AMMECR1: variants seen among roughly 807,000 people sequenced by gnomAD.
The protein encoded by AMMECR1 is nuclear protein AMMECR1.
Under a neutral mutation model 22.5 loss-of-function variants are expected in AMMECR1, and 3 were observed. That is an observed-to-expected ratio of 0.13 (90% CI 0.06 to 0.35). The LOEUF (loss-of-function observed/expected upper bound fraction) is 0.35, where lower values mean the gene tolerates loss of function less well. Ranked by LOEUF, AMMECR1 falls within the 10% of genes least tolerant of loss-of-function variation. The pLI is 1.00. For synonymous variants in AMMECR1, 130 were observed against 116.7 expected, an observed-to-expected ratio of 1.11 and a Z score of -0.74; for missense variants, 235 against 278.7, an observed-to-expected ratio of 0.84 and a Z score of 1.12.
intron 2 of AMMECR1, among the ~76,000 whole-genome samples, chrX:110,418,689 T>C (rs934757941): frequency 9.0e-6 from 1 of 111,645 alleles, no homozygotes; most frequent in Non-Finnish European, 1.9e-5. Context: ...TGGGACCTTA[T>C]GGGATCAGAG....
upstream of AMMECR1, among the ~76,000 whole-genome samples, chrX:110,321,754 C>A (rs1043629526): frequency 9.0e-6 from 1 of 110,767 alleles, no homozygotes; most frequent in African/African-American, 3.3e-5. Context: ...GAAAAAAAAA[C>A]CTGCCATTTA....
chrX:110,232,034 C>G (rs1354833961), intron 2 of AMMECR1, among the ~76,000 whole-genome samples: 1 of 111,148 alleles, frequency 9.0e-6, no homozygotes, highest in Non-Finnish European at 1.9e-5. Context: ...TAGAGACCCA[C>G]AGAGAAACTT....
At chrX:110,402,384 G>A (rs939764316) in intron 2 of AMMECR1, among the ~76,000 whole-genome samples, 1 of 112,953 alleles carries the variant, frequency 8.9e-6, no homozygotes, top group Non-Finnish European at 1.9e-5. Context: ...GGTAAGGCAG[G>A]GTTATTATTT....
At chrX:110,222,080 G>T (rs2067503658) in intron 2 of AMMECR1, among the ~76,000 whole-genome samples, 1 of 108,292 alleles carries the variant, frequency 9.2e-6, no homozygotes, top group African/African-American at 3.4e-5. Flanking sequence ...ATTTGACCCA[G>T]CCATCCCATT....
At chrX:110,238,169 C>G (rs2067611337) in intron 2 of AMMECR1, among the ~76,000 whole-genome samples, 1 of 111,867 alleles carries the variant, frequency 8.9e-6, no homozygotes, top group African/African-American at 3.2e-5. Flanking sequence ...CTAACACAAG[C>G]AAATCGGTGT....
At chrX:110,227,805 A>G (rs1013137580) in intron 2 of AMMECR1, among the ~76,000 whole-genome samples, 4 of 111,753 alleles carry the variant, frequency 3.6e-5, no homozygotes, top group African/African-American at 1.3e-4. Context: ...GGTCAAGATG[A>G]CCCATTCCCT....
intron 1 of AMMECR1, among the ~76,000 whole-genome samples, chrX:110,315,647 A>C (rs767786191): frequency 8.9e-6 from 1 of 112,615 alleles, no homozygotes; most frequent in South Asian, 3.7e-4. Flanking sequence ...GAGTTAACCC[A>C]AACTCACTGT....
chrX:110,220,843 G>T (rs1002415578), intron 2 of AMMECR1, among the ~76,000 whole-genome samples: 1 of 111,893 alleles, frequency 8.9e-6, no homozygotes, highest in Non-Finnish European at 1.9e-5. Context: ...AAGATATTAA[G>T]AGTTTAGCTA....
chrX:110,229,068 C>G (rs2067548629), intron 2 of AMMECR1, among the ~76,000 whole-genome samples: 1 of 112,310 alleles, frequency 8.9e-6, no homozygotes, highest in Admixed American at 9.4e-5. Flanking sequence ...AGCACAATGA[C>G]ATGGGTAGAT....
intron 1 of AMMECR1, among the ~76,000 whole-genome samples, chrX:110,433,667 T>C (rs1362945805): frequency 8.9e-6 from 1 of 111,884 alleles, no homozygotes; most frequent in Non-Finnish European, 1.9e-5. Flanking sequence ...TCTATTTGGC[T>C]CACTCTCAAT....
At chrX:110,253,764 C>G (rs1394743962) in intron 2 of AMMECR1, among the ~76,000 whole-genome samples, 3 of 111,623 alleles carry the variant, frequency 2.7e-5, no homozygotes, top group Non-Finnish European at 5.7e-5. Context: ...CTGCTGAAGT[C>G]CAACCTGTGT....
At chrX:110,222,487 C>T (rs1391675206) in intron 2 of AMMECR1, among the ~76,000 whole-genome samples, 1 of 89,671 alleles carries the variant, frequency 1.1e-5, no homozygotes, top group Non-Finnish European at 2.2e-5. Context: ...GGGAGATATA[C>T]CTAATGCTAG....
intron 2 of AMMECR1, among the ~76,000 whole-genome samples, chrX:110,365,804 T>C (rs1294832326): frequency 9.0e-6 from 1 of 111,638 alleles, no homozygotes; most frequent in Non-Finnish European, 1.9e-5. Flanking sequence ...TTGCAAAGAG[T>C]GAGCGAGGTG....
Position 110,213,642 on chromosome X carries a change from A to G in AMMECR1, c.699+2876T>C, listed in dbSNP as rs1394274687. Among the ~76,000 whole-genome samples the G allele has an allele frequency of 4.5e-5, 5 of 111,924 alleles. No homozygotes were observed. In the South Asian group the frequency reaches 1.1e-3, roughly 25 times the overall value. ...TAGAAGTGAAATTGTGTCAACGTAT[A>G]ATTTTTTAATGCCTTTAATTCCATT... On this transcript the variant is annotated intron_variant, in intron 3 of 5. Transcript: ENST00000262844.
At chrX:110,276,823 T>A (rs1430735284) in intron 1 of AMMECR1, among the ~76,000 whole-genome samples, 1 of 111,582 alleles carries the variant, frequency 9.0e-6, no homozygotes, top group Non-Finnish European at 1.9e-5. Flanking sequence ...TGTCTCTGAG[T>A]AGCTTTCCTC....
intron 2 of AMMECR1, among the ~76,000 whole-genome samples, chrX:110,422,669 A>T (rs2068726055): frequency 8.9e-6 from 1 of 112,468 alleles, no homozygotes; most frequent in South Asian, 3.7e-4. Flanking sequence ...CTTAAAAATG[A>T]CAACCTTGTT....
At chrX:110,328,440 T>C (rs1433901506) in intron 2 of AMMECR1, among the ~76,000 whole-genome samples, 7 of 88,491 alleles carry the variant, frequency 7.9e-5, no homozygotes, top group East Asian at 2.9e-4. Context: ...CTTTTTCTCT[T>C]TTTTTTTTTT....
chrX:110,248,244 G>A (rs977737411), intron 2 of AMMECR1, among the ~76,000 whole-genome samples: 5 of 110,254 alleles, frequency 4.5e-5, no homozygotes, highest in Admixed American at 9.7e-5. Flanking sequence ...AATTTTGCTG[G>A]GTATAGTGGT....
At chrX:110,307,864 C>CTTTTTTTT (rs1162615101) in intron 1 of AMMECR1, among the ~76,000 whole-genome samples, 20 of 63,609 alleles carry the variant, frequency 3.1e-4, no homozygotes, top group East Asian at 5.1e-4. Flanking sequence ...TTTTTTTTTT[C>CTTTTTTTT]TTTTTTTTTT....
Sources: gnomAD v4.1 joint callset for allele counts (sites outside exome capture counted in the v4.1 genomes callset) on GRCh38, gnomAD v4.1.1 for gene constraint, MANE v1.5 for transcripts, NCBI Gene and HGNC (gene_info 2026-07-23, HGNC 2026-07-21) for gene names.